The following COL4A3 variants were observed in gnomAD, a reference collection of about 807,000 sequenced individuals.
COL4A3 encodes collagen type IV alpha 3 chain, also known as collagen alpha-3(IV) chain.
COL4A3 carries 135 observed loss-of-function variants against 217.4 expected under a neutral mutation model. That is an observed-to-expected ratio of 0.62 (90% CI 0.54 to 0.72). The LOEUF (loss-of-function observed/expected upper bound fraction) is 0.72. COL4A3 is among the 30% of genes least tolerant of loss of function. The pLI, the probability that COL4A3 is intolerant of heterozygous loss-of-function variation, is 0.00. For missense variants in COL4A3, 1,868 were observed against 2,119.9 expected, an observed-to-expected ratio of 0.88 and a Z score of 2.33; for synonymous variants, 690 against 736.3, an observed-to-expected ratio of 0.94 and a Z score of 1.02.
At chr2:227,277,725 C>T (rs561097050) in intron 28 of COL4A3, among the ~76,000 whole-genome samples, 172 bp downstream of exon 28, 3 of 152,166 alleles carry the variant, frequency 2.0e-5, no homozygotes, top group African/African-American at 7.2e-5. Flanking sequence ...TCTGGCCAGG[C>T]GCAGTGGCTA....
intron 1 of COL4A3, among the ~76,000 whole-genome samples, chr2:227,194,541 T>G (rs1471538271): frequency 6.6e-6 from 1 of 152,196 alleles, no homozygotes; most frequent in African/African-American, 2.4e-5. Flanking sequence ...TCTGTGGTCC[T>G]CATGGTCAGC....
intron 1 of COL4A3, among the ~76,000 whole-genome samples, chr2:227,197,027 T>C (rs2066507917): frequency 6.6e-6 from 1 of 151,748 alleles, no homozygotes; most frequent in Admixed American, 6.6e-5. Flanking sequence ...TGAGATCTGA[T>C]GGTTTTAGAA....
rs765336065 is a variant in COL4A3, at chr2:227,253,438, C to T, written c.687+101C>T. The T allele has an allele frequency of 1.4e-6, 2 of 1,439,016 alleles. No homozygotes were observed. The highest frequency in any genetic ancestry group is 9.8e-7 in the Non-Finnish European group (1 of 1,020,408). 89.1% of individuals were successfully genotyped at this position (1,439,016 alleles called of 1,614,324 possible). A position where few individuals can be genotyped will look rare whatever the true frequency, so the allele number is the denominator to read the frequency against. ...TACGGGCCAAGCTGAAATTGATGGG[C>T]CTTCATTTGTTCTATCTTCCCGTAT... On this transcript the variant is annotated intron_variant, in intron 12 of 51. Coordinates refer to ENST00000396578, the MANE Select transcript of COL4A3 (RefSeq NM_000091.5). This position sits in a 1 kb window ranked among gnomAD's most constrained non-coding sequence, Gnocchi z 4.4.
At chr2:227,165,468 T>G (rs952691936) in intron 1 of COL4A3, among the ~76,000 whole-genome samples, 1 of 152,236 alleles carries the variant, frequency 6.6e-6, no homozygotes, top group Non-Finnish European at 1.5e-5. Context: ...TGAGTGAAAC[T>G]GGATTTATTT....
intron 50 of COL4A3, 33 bp from the exon 51 acceptor site, chr2:227,310,743 G>A: frequency 3.1e-6 from 5 of 1,600,232 alleles, no homozygotes; most frequent in Non-Finnish European, 4.3e-6. Flanking sequence ...CCAATGGACA[G>A]AGTGTTTATT....
intron 1 of COL4A3, among the ~76,000 whole-genome samples, chr2:227,165,910 A>T (rs1051060650): frequency 6.6e-6 from 1 of 152,150 alleles, no homozygotes; most frequent in African/African-American, 2.4e-5. Flanking sequence ...AGAGGTGTCC[A>T]CTTTCACCAC....
chr2:227,202,745 AAATATATATAT>A (rs1217628202), intron 1 of COL4A3, among the ~76,000 whole-genome samples: 176 of 16,402 alleles, frequency 0.011, 13 homozygotes, highest in African/African-American at 9.4e-3. Context: ...TAAAAAAAAA[AAATATATATAT>A]ATATATATAT....
intron 16 of COL4A3, 87 bp downstream of exon 16, chr2:227,256,157 T>C (rs2070156179): frequency 7.2e-7 from 1 of 1,381,460 alleles, no homozygotes; most frequent in Non-Finnish European, 1.0e-6. Flanking sequence ...TAAATAGTTA[T>C]AAACAAACAA....
Position 227,282,615 on chromosome 2 carries a change from T to C in COL4A3, c.2656+83T>C, listed in dbSNP as rs2072057200. 4 of 1,230,074 alleles carry C rather than the reference T, an allele frequency of 3.3e-6. No homozygotes were observed. Among genetic ancestry groups the C allele is most frequent in the Non-Finnish European group, 3.6e-6 (3 of 836,254 alleles). 76.2% of individuals were successfully genotyped at this position (1,230,074 alleles called of 1,614,324 possible). Reference sequence around the variant, plus strand: ...CTGTCAACTGTACATAGGCATACGCTTTTTACTCTATGCTTTTACTTAATA... The same window carrying C: ...CTGTCAACTGTACATAGGCATACGCCTTTTACTCTATGCTTTTACTTAATA... On this transcript the variant is annotated intron_variant, in intron 32 of 51. Transcript: ENST00000396578. This position sits in a 1 kb window ranked among gnomAD's most constrained non-coding sequence, Gnocchi z 4.4.
Position 227,311,965 on chromosome 2 carries a change from A to T in COL4A3, c.*95A>T. 7 of 1,554,602 alleles carry T rather than the reference A, an allele frequency of 4.5e-6. No homozygotes were observed. Among genetic ancestry groups the T allele is most frequent in the Non-Finnish European group, 6.1e-6 (7 of 1,145,932 alleles). On this transcript the variant is annotated 3_prime_UTR_variant, in exon 52 of 52. Coordinates refer to ENST00000396578, the MANE Select transcript of COL4A3 (RefSeq NM_000091.5). ...TTTAGGTATTTTTCTTTAACCAAAC[A>T]ATATTGCTCCATGATGACTTAGTAC... is the stretch of plus-strand genomic sequence containing the variant.
chr2:227,245,359 A>T (rs938758782), intron 5 of COL4A3, among the ~76,000 whole-genome samples: 5 of 152,200 alleles, frequency 3.3e-5, no homozygotes, highest in East Asian at 1.9e-4. Context: ...CACTATAACA[A>T]CTATTTACAT....
chr2:227,216,612 C>CA (rs201941978), intron 1 of COL4A3, among the ~76,000 whole-genome samples: 3 of 150,014 alleles, frequency 2.0e-5, no homozygotes, highest in African/African-American at 4.9e-5. Flanking sequence ...AATCTTCCTC[C>CA]AAAAAAAAAG....
intron 8 of COL4A3, 23 bp downstream of exon 8, chr2:227,247,607 T>A: frequency 6.2e-7 from 1 of 1,613,136 alleles, no homozygotes; most frequent in Non-Finnish European, 8.5e-7. Context: ...TGGAATGCTG[T>A]CACTGAAAAT....
At chr2:227,174,498 G>GATT (rs10603964) in intron 1 of COL4A3, among the ~76,000 whole-genome samples, 5,886 of 150,516 alleles carry the variant, frequency 0.039, 347 homozygotes, top group African/African-American at 0.13. Flanking sequence ...TTAGTCTAGT[G>GATT]ATTATTATTA....
chr2:227,197,418 C>T (rs1399295068), intron 1 of COL4A3, among the ~76,000 whole-genome samples: 3 of 152,004 alleles, frequency 2.0e-5, no homozygotes, highest in Admixed American at 1.3e-4. Flanking sequence ...ATACAGTAGG[C>T]TATACATCTA....
At chr2:227,242,130 T>C (rs4280444) in intron 3 of COL4A3, among the ~76,000 whole-genome samples, 118,598 of 152,090 alleles carry the variant, frequency 0.78, 46,895 homozygotes, top group East Asian at 0.91. Flanking sequence ...ACTGTCCCTG[T>C]TTCAGGACTA....
chr2:227,191,400 A>G lies in COL4A3; in HGVS notation c.87+26587A>G, dbSNP rs1169442629. On this transcript the variant is annotated intron_variant, in intron 1 of 51. Transcript: ENST00000396578. This position sits in a 1 kb window ranked among gnomAD's most constrained non-coding sequence, Gnocchi z 6.8. ...AATTTAAGTGGGTGAGGGGGCAGGA[A>G]GAACAATAAAGAAAGCTAAGAAGTG... Among the ~76,000 whole-genome samples the G allele has an allele frequency of 6.6e-6, 1 of 152,216 alleles. No homozygotes were observed. Among genetic ancestry groups the G allele is most frequent in the Admixed American group, 6.5e-5 (1 of 15,286 alleles).
At chr2:227,220,950 T>A (rs1421117323) in intron 1 of COL4A3, 21 of 152,260 alleles carry the variant, frequency 1.4e-4, no homozygotes, top group Admixed American at 1.4e-3. Flanking sequence ...TGGAGAGTCC[T>A]ATAACTCAGA....
At chr2:227,287,980 G>A (rs1323826283) in intron 34 of COL4A3, among the ~76,000 whole-genome samples, 1 of 152,214 alleles carries the variant, frequency 6.6e-6, no homozygotes. Flanking sequence ...AAAGAGCCAA[G>A]GGAAGTGAAT....
Sources: gnomAD v4.1 joint callset for allele counts (sites outside exome capture counted in the v4.1 genomes callset) on GRCh38, gnomAD v4.1.1 for gene constraint, Gnocchi (gnomAD v3.1) non-coding constraint, MANE v1.5 for transcripts, NCBI Gene and HGNC (gene_info 2026-07-23, HGNC 2026-07-21) for gene names.